The following RGS19 variants were observed in gnomAD, a reference collection of about 807,000 sequenced individuals.
RGS19 encodes regulator of G protein signaling 19.
RGS19 carries 9 observed loss-of-function variants against 22.0 expected under a neutral mutation model. The observed-to-expected ratio is 0.41, with a 90% CI of 0.25 to 0.71. RGS19 has a LOEUF of 0.71. Ranked by LOEUF, RGS19 falls within the 30% of genes least tolerant of loss-of-function variation. The pLI is 0.32. For missense variants in RGS19, 256 were observed against 307.1 expected (o/e 0.83, Z 1.24); for synonymous variants, 130 against 127.3 (o/e 1.02, Z -0.14).
At chr20:64,076,397 GC>G in intron 3 of RGS19, 127 bp downstream of exon 3, 1 of 1,422,340 alleles carries the variant, frequency 7.0e-7, no homozygotes, top group Non-Finnish European at 9.5e-7. Context: ...ACAGGACAGT[GC>G]TGTGAGGTGG....
chr20:64,073,771 G>A lies in RGS19; in HGVS notation c.*82C>T. 7.8e-7 allele frequency: 1 copy of A among 1,286,830 alleles called. No individual in the cohort carries two copies. Among genetic ancestry groups the A allele is most frequent in the Non-Finnish European group, 1.1e-6 (1 of 930,402 alleles). 79.7% of individuals were successfully genotyped at this position (1,286,830 alleles called of 1,614,324 possible). On this transcript the variant is annotated 3_prime_UTR_variant, in exon 6 of 6. Coordinates refer to ENST00000395042, the MANE Select transcript of RGS19 (RefSeq NM_005873.3). ...CCCCAGCCGGCCAGGCATGTGCCCTGACAGCCCTGCCGACAACAACACCTG... is the reference window on the plus strand; with the variant it reads ...CCCCAGCCGGCCAGGCATGTGCCCTAACAGCCCTGCCGACAACAACACCTG...
Sources: allele counts gnomAD v4.1 joint callset, GRCh38; gene constraint gnomAD v4.1.1; transcripts MANE v1.5; gene names NCBI Gene and HGNC (gene_info 2026-07-23, HGNC 2026-07-21).